PIK3C3: variants seen among roughly 807,000 people sequenced by gnomAD.
PIK3C3 encodes the protein phosphatidylinositol 3-kinase catalytic subunit type 3.
Under a neutral mutation model 126.1 loss-of-function variants are expected in PIK3C3, and 95 were observed. That is an observed-to-expected ratio of 0.75 (90% CI 0.64 to 0.89). The LOEUF (loss-of-function observed/expected upper bound fraction) is 0.89. Among genes scored for constraint, PIK3C3 ranks in the 40% least tolerant of loss-of-function variants. PIK3C3 has a pLI of 0.00. For missense variants in PIK3C3, 829 were observed against 1,063.2 expected (o/e 0.78, Z 3.06); for synonymous variants, 374 against 360.0 (o/e 1.04, Z -0.44).
intron 3 of PIK3C3, among the ~76,000 whole-genome samples, chr18:41,970,116 C>T (rs1363839149): frequency 6.6e-6 from 1 of 152,038 alleles, no homozygotes. Context: ...GTTCTGAGCG[C>T]TTGGAGGAGA....
At position 42,043,750 on chromosome 18, in the gene PIK3C3, T is replaced by C. The variant is rs1206803451; in HGVS notation, c.2121T>C (p.Tyr707=). The part of the protein sequence containing the change: ...EGSIQNFFRK[Y]APSENGPNGI... ...CTTTTCAGAACTTTTTTAGAAAATA[T>C]GCACCAAGTGAGAATGGGCCAAATG... is the stretch of plus-strand genomic sequence containing the variant. Residue 707 remains tyrosine (Y), a synonymous_variant, in exon 20 of 25, where the codon TAT becomes TAC. Coordinates refer to ENST00000262039, the MANE Select transcript of PIK3C3 (RefSeq NM_002647.4). The C allele has an allele frequency of 6.8e-6, 11 of 1,611,036 alleles. No individual in the cohort carries two copies. The highest frequency in any genetic ancestry group is 5.0e-5 in the Admixed American group (3 of 59,970).
intron 20 of PIK3C3, among the ~76,000 whole-genome samples, chr18:42,047,989 T>C (rs1984629944): frequency 6.6e-6 from 1 of 152,176 alleles, no homozygotes; most frequent in African/African-American, 2.4e-5. Flanking sequence ...CTTAAACCAG[T>C]GTGTAAATGA....
At chr18:41,971,796 C>T (rs900444691) in intron 4 of PIK3C3, among the ~76,000 whole-genome samples, 1 of 151,812 alleles carries the variant, frequency 6.6e-6, no homozygotes, top group Non-Finnish European at 1.5e-5. Context: ...CTTAAATTGT[C>T]TTTTAAGAGT....
At position 41,964,826 on chromosome 18, in the gene PIK3C3, A is replaced by C. The variant is rs148160496; in HGVS notation, c.401+2194A>C. Among the ~76,000 whole-genome samples, 492 of 152,250 alleles carry C rather than the reference A, an allele frequency of 3.2e-3. 1 individual carries two copies. The highest frequency in any genetic ancestry group is 0.011 in the African/African-American group (465 of 41,568). On this transcript the variant is annotated intron_variant, in intron 3 of 24. Coordinates refer to ENST00000262039, the MANE Select transcript of PIK3C3 (RefSeq NM_002647.4). ...TTCCTATCCAGGAAAAGAGTGTGTC[A>C]GAAAGGCTTCTAAACTCATGAATGA... is the stretch of plus-strand genomic sequence containing the variant.
At chr18:42,001,891 C>G (rs369671435) in intron 9 of PIK3C3, among the ~76,000 whole-genome samples, 2 of 152,148 alleles carry the variant, frequency 1.3e-5, no homozygotes, top group South Asian at 4.1e-4. Flanking sequence ...TTTCCACATT[C>G]AACCTAGAAA....
intron 15 of PIK3C3, among the ~76,000 whole-genome samples, chr18:42,030,560 T>C (rs554087946): frequency 6.6e-6 from 1 of 152,296 alleles, no homozygotes; most frequent in African/African-American, 2.4e-5. Context: ...AGAGAAATGC[T>C]AGCAGAGCCA....
chr18:42,078,062 G>C (rs539067477), intron 24 of PIK3C3, among the ~76,000 whole-genome samples: 19 of 152,204 alleles, frequency 1.2e-4, no homozygotes, highest in African/African-American at 4.6e-4. Context: ...TGAGCAGTAG[G>C]CTTCAACAGT....
chr18:42,038,693 T>G, intron 17 of PIK3C3, 88 bp from the exon 18 acceptor site: 1 of 775,108 alleles, frequency 1.3e-6, no homozygotes, highest in Admixed American at 2.4e-5. Flanking sequence ...AAATCTTTAT[T>G]ACATTAAACT....
intron 3 of PIK3C3, among the ~76,000 whole-genome samples, chr18:41,967,770 G>A (rs1443744274): frequency 6.6e-6 from 1 of 152,186 alleles, no homozygotes; most frequent in African/African-American, 2.4e-5. Flanking sequence ...CCACATGCAA[G>A]CTGTAGATTT....
chr18:42,001,558 C>T (rs1409356727), intron 9 of PIK3C3, among the ~76,000 whole-genome samples: 1 of 152,094 alleles, frequency 6.6e-6, no homozygotes, highest in African/African-American at 2.4e-5. Context: ...TACTTTTTGT[C>T]TTTCTTATTC....
At chr18:42,059,806 C>T (rs1457474881) in intron 22 of PIK3C3, 19 of 148,192 alleles carry the variant, frequency 1.3e-4, no homozygotes, top group African/African-American at 7.5e-5. Flanking sequence ...TTGTCACTGT[C>T]GCCCAGGTTG....
chr18:42,080,006 T>A (rs1412698031), intron 24 of PIK3C3, among the ~76,000 whole-genome samples: 9 of 151,288 alleles, frequency 5.9e-5, no homozygotes, highest in East Asian at 1.9e-4. Flanking sequence ...AGAGTGTGTG[T>A]GTGTGTGTGT....
rs1409378681 is a variant in PIK3C3, at chr18:42,049,544, G to A, written c.2202G>A (p.Val734=). The change falls in exon 21 of 25, where the codon GTG becomes GTA. Residue 734 remains valine (V), a synonymous_variant. Coordinates refer to ENST00000262039, the MANE Select transcript of PIK3C3 (RefSeq NM_002647.4). Reference sequence around the variant, plus strand: ...CTGTTACTGCAGCTGGATATTGCGTGATCACCTATATACTTGGAGTTGGAG... The same window carrying A: ...CTGTTACTGCAGCTGGATATTGCGTAATCACCTATATACTTGGAGTTGGAG... ...TYVKSCAGYC[V]ITYILGVGDR... is the part of the protein sequence containing the mutation. The A allele has an allele frequency of 1.9e-6, 3 of 1,613,020 alleles. No individual in the cohort carries two copies. The highest frequency in any genetic ancestry group is 1.7e-5 in the Admixed American group (1 of 59,976).
At position 41,996,006 on chromosome 18, in the gene PIK3C3, A is replaced by T; in HGVS notation, c.891+12A>T. 1 of 1,544,440 alleles carries T rather than the reference A, an allele frequency of 6.5e-7. No individual in the cohort carries two copies. The highest frequency in any genetic ancestry group is 8.9e-7 in the Non-Finnish European group (1 of 1,118,206). ...GAGATCAGTTAAATGTAAGAGAATT[A>T]TGAAATATTAATTTAAAAATAGTTA... On this transcript the variant is annotated intron_variant, in intron 8 of 24. Coordinates refer to ENST00000262039, the MANE Select transcript of PIK3C3 (RefSeq NM_002647.4).
In PIK3C3 at chr18:42,084,750, T is replaced by C. The variant is rs1431582427; in HGVS notation, c.*3613T>C. On this transcript the variant is annotated 3_prime_UTR_variant, in exon 25 of 25. Coordinates refer to ENST00000262039, the MANE Select transcript of PIK3C3 (RefSeq NM_002647.4). ...TCCACTGTAAGAACTAGAGTGGGAA[T>C]GGACATGTCAAAACCTCCTGGGAAC... 1.3e-5 allele frequency: 2 copies of C among 152,174 alleles called. No individual in the cohort carries two copies. Among genetic ancestry groups the C allele is most frequent in the African/African-American group, 4.8e-5 (2 of 41,450 alleles). The allele number at this position is 152,174 out of a possible 1,614,324, so 9.4% of individuals were successfully genotyped here. A position where few individuals can be genotyped will look rare whatever the true frequency, so the allele number is the denominator to read the frequency against.
intron 16 of PIK3C3, among the ~76,000 whole-genome samples, chr18:42,036,864 A>G (rs1459142527): frequency 6.6e-6 from 1 of 152,176 alleles, no homozygotes; most frequent in African/African-American, 2.4e-5. Flanking sequence ...AAAATCTGAA[A>G]CTTTTTGAGT....
intron 20 of PIK3C3, among the ~76,000 whole-genome samples, chr18:42,045,394 T>C (rs1002335607): frequency 1.3e-5 from 2 of 152,200 alleles, no homozygotes; most frequent in African/African-American, 2.4e-5. Flanking sequence ...CTATGTTTTC[T>C]GTGATCTGAA....
At chr18:42,050,007 T>C (rs1984732344) in intron 21 of PIK3C3, 1 of 152,196 alleles carries the variant, frequency 6.6e-6, no homozygotes, top group African/African-American at 2.4e-5. Flanking sequence ...AGTTGCGTAA[T>C]TGAAGATAAA....
At chr18:41,997,760 C>T (rs1450186697) in intron 9 of PIK3C3, among the ~76,000 whole-genome samples, 1 of 152,092 alleles carries the variant, frequency 6.6e-6, no homozygotes, top group Non-Finnish European at 1.5e-5. Context: ...ATTAGGGGAC[C>T]TGTGCAGACT....
Sources: gnomAD v4.1 joint callset for allele counts (sites outside exome capture counted in the v4.1 genomes callset) on GRCh38, gnomAD v4.1.1 for gene constraint, MANE v1.5 for transcripts, NCBI Gene and HGNC (gene_info 2026-07-23, HGNC 2026-07-21) for gene names.